Variants in MEDAG observed in about 807,000 individuals in gnomAD.
MEDAG encodes mesenteric estrogen dependent adipogenesis.
In MEDAG, 25 loss-of-function variants were observed where a neutral mutation model predicts 29.9. That is an observed-to-expected ratio of 0.84 (90% CI 0.61 to 1.17). MEDAG has a LOEUF of 1.17. MEDAG is among the 50% of genes most tolerant of loss of function. The probability of loss-of-function intolerance (pLI) is 0.00; values close to 1 mark genes in which losing one functional copy is unlikely to be tolerated. For synonymous variants in MEDAG, 158 were observed against 148.2 expected, an observed-to-expected ratio of 1.07 and a Z score of -0.48; for missense variants, 398 against 372.9, an observed-to-expected ratio of 1.07 and a Z score of -0.56.
At chr13:30,917,340 A>G (rs534569632) in intron 1 of MEDAG, 63 bp from the exon 2 acceptor site, 1 of 984,486 alleles carries the variant, frequency 1.0e-6, no homozygotes, top group African/African-American at 1.6e-5. Context: ...TGTCCAGTAC[A>G]TCCCCTTCCT....
At position 30,906,403 on chromosome 13, in the gene MEDAG, G is replaced by T; in HGVS notation, c.-113G>T. On this transcript the variant is annotated 5_prime_UTR_variant, in exon 1 of 5. Coordinates refer to ENST00000380482, the MANE Select transcript of MEDAG (RefSeq NM_032849.4). The stretch of plus-strand genomic sequence containing the variant: ...GGCAGACCGACCCCCTCCTCACCTC[G>T]CGCGCGGCTGACGCAGGCAGGGCGC... The T allele has an allele frequency of 8.4e-7, 1 of 1,187,328 alleles. No individual in the cohort carries two copies. Among genetic ancestry groups the T allele is most frequent in the African/African-American group, 1.6e-5 (1 of 62,764 alleles). 73.5% of individuals were successfully genotyped at this position (1,187,328 alleles called of 1,614,324 possible).
intron 2 of MEDAG, among the ~76,000 whole-genome samples, chr13:30,919,086 A>G (rs1010655182): frequency 2.0e-5 from 3 of 152,238 alleles, no homozygotes; most frequent in African/African-American, 7.2e-5. Context: ...GAAGTTGTCG[A>G]ACAACTATCA....
intron 1 of MEDAG, chr13:30,915,941 G>T (rs901402280): frequency 1.3e-5 from 2 of 152,192 alleles, no homozygotes; most frequent in African/African-American, 4.8e-5. Flanking sequence ...GCAGCCCCAT[G>T]TTCCCCTCCC....
chr13:30,918,691 G>A (rs906124770), intron 2 of MEDAG, among the ~76,000 whole-genome samples: 7 of 152,190 alleles, frequency 4.6e-5, no homozygotes, highest in African/African-American at 1.2e-4. Flanking sequence ...CTTAAAATGA[G>A]TCCAAGGAAA....
intron 4 of MEDAG, chr13:30,922,097 ATAT>A (rs1182700458): frequency 6.5e-6 from 2 of 308,224 alleles, no homozygotes; most frequent in East Asian, 1.2e-4. Context: ...ATAACTTTAA[ATAT>A]TATTATTAAT....
chr13:30,907,313 G>A (rs1952840330), intron 1 of MEDAG, among the ~76,000 whole-genome samples: 1 of 152,210 alleles, frequency 6.6e-6, no homozygotes, highest in South Asian at 2.1e-4. Context: ...CCCATCTCTG[G>A]CCTCACTTCG....
In MEDAG at chr13:30,906,507, G is replaced by T. The variant is rs1231682569; in HGVS notation, c.-9G>T. The T allele has an allele frequency of 1.5e-5, 23 of 1,506,936 alleles. 1 individual carries two copies. The highest frequency in any genetic ancestry group is 2.4e-4 in the Middle Eastern group (1 of 4,216). The allele number at this position is 1,506,936 out of a possible 1,614,324, so 93.3% of individuals were successfully genotyped here. A position where few individuals can be genotyped will look rare whatever the true frequency, so the allele number is the denominator to read the frequency against. Reference sequence around the variant, plus strand: ...GGAAGCAGGCGGTGTGAGGACCGACGACGCGGGCATGGCGGGGGCGGCCTG... The same window carrying T: ...GGAAGCAGGCGGTGTGAGGACCGACTACGCGGGCATGGCGGGGGCGGCCTG... On this transcript the variant is annotated 5_prime_UTR_variant, in exon 1 of 5. Transcript: ENST00000380482.
At position 30,921,605 on chromosome 13, in the gene MEDAG, T is replaced by TGAA. The variant is rs771305307; in HGVS notation, c.548_550dup (p.Glu183dup). 3.7e-6 allele frequency: 6 copies of TGAA among 1,609,122 alleles called. No homozygotes were observed. In the South Asian group the frequency reaches 4.5e-5, roughly 12 times the overall value. On this transcript the variant is annotated inframe_insertion, in exon 4 of 5. Transcript: ENST00000380482. Reference sequence around the variant, plus strand: ...TGAAGAATTTCTTCCCCCCAGGAAATGAAGTGGTTAATGGAGAAAATTTAA... The same window carrying TGAA: ...TGAAGAATTTCTTCCCCCCAGGAAATGAAGAAGTGGTTAATGGAGAAAATTTAA...
chr13:30,909,835 G>T (rs1029509025), intron 1 of MEDAG, among the ~76,000 whole-genome samples: 5 of 152,038 alleles, frequency 3.3e-5, no homozygotes, highest in African/African-American at 9.7e-5. Context: ...TTATTCACTC[G>T]CTAAGAGAGC....
Position 30,924,430 on chromosome 13 carries a change from A to G in MEDAG, c.907A>G (p.Ile303Val). The change falls in exon 5 of 5, where the codon ATC becomes GTC. Residue 303 changes from isoleucine (I) to valine (V), a missense_variant. Transcript: ENST00000380482. ...ATCTGAAGAGACACCCAACCAATTT[A>G]TCTGATTGAACTGAACATTGTAGCA... ...LESEETPNQF[I>V] 1 of 1,613,960 alleles carries G rather than the reference A, an allele frequency of 6.2e-7. No homozygotes were observed. The highest frequency in any genetic ancestry group is 8.5e-7 in the Non-Finnish European group (1 of 1,179,982).
At chr13:30,917,611 C>A in intron 2 of MEDAG, 99 bp downstream of exon 2, 1 of 663,292 alleles carries the variant, frequency 1.5e-6, no homozygotes, top group Non-Finnish European at 2.6e-6. Context: ...CACGGTTCTG[C>A]AGGCTATACA....
chr13:30,907,710 G>C (rs1952843398), intron 1 of MEDAG, among the ~76,000 whole-genome samples: 1 of 152,250 alleles, frequency 6.6e-6, no homozygotes. Context: ...ATGGTCTAGA[G>C]TTTGACTCAG....
At position 30,919,012 on chromosome 13, in the gene MEDAG, A is replaced by G. The variant is rs1014924745; in HGVS notation, c.388+1500A>G. ...AAGAGTAAGAGCCCTCTTCATTTTA[A>G]CATTTAAATGAAAGTATAGGTAGTG... On this transcript the variant is annotated intron_variant, in intron 2 of 4. Transcript: ENST00000380482. Among the ~76,000 whole-genome samples, 4 of 152,344 alleles carry G rather than the reference A, an allele frequency of 2.6e-5. No homozygotes were observed. The East Asian group carries it at 5.8e-4, about 22-fold the overall frequency.
At chr13:30,913,330 C>G (rs913199632) in intron 1 of MEDAG, among the ~76,000 whole-genome samples, 9 of 152,172 alleles carry the variant, frequency 5.9e-5, no homozygotes, top group Non-Finnish European at 1.5e-5. Context: ...ATCCTCCCAC[C>G]TCAGCCTCCT....
In MEDAG at chr13:30,906,328, C is replaced by T. The variant is rs1952827900; in HGVS notation, c.-188C>T. The T allele has an allele frequency of 4.1e-6, 2 of 483,366 alleles. No homozygotes were observed. The highest frequency in any genetic ancestry group is 6.7e-6 in the Non-Finnish European group (2 of 300,578). The allele number at this position is 483,366 out of a possible 1,614,324, so 29.9% of individuals were successfully genotyped here. A position where few individuals can be genotyped will look rare whatever the true frequency, so the allele number is the denominator to read the frequency against. On this transcript the variant is annotated 5_prime_UTR_variant, in exon 1 of 5. Transcript: ENST00000380482. Reference sequence around the variant, plus strand: ...GCGAGTGGCAGCTTGGGAGGGGCCGCCCGGGCGGTCAGACTGGCACCTGAG... The same window carrying T: ...GCGAGTGGCAGCTTGGGAGGGGCCGTCCGGGCGGTCAGACTGGCACCTGAG...
At chr13:30,910,264 C>T (rs567341138) in intron 1 of MEDAG, among the ~76,000 whole-genome samples, 8 of 151,754 alleles carry the variant, frequency 5.3e-5, no homozygotes, top group African/African-American at 1.2e-4. Context: ...TAATGGCAAA[C>T]GTTTGGCAAA....
Position 30,921,853 on chromosome 13 carries a change from T to C in MEDAG, c.787+7T>C. 1 of 1,585,160 alleles carries C rather than the reference T, an allele frequency of 6.3e-7. No individual in the cohort carries two copies. The highest frequency in any genetic ancestry group is 8.5e-7 in the Non-Finnish European group (1 of 1,169,694). On this transcript the variant is annotated splice_region_variant and intron_variant, in intron 4 of 4. Coordinates refer to ENST00000380482, the MANE Select transcript of MEDAG (RefSeq NM_032849.4). ...TTCAGTGTAACTTCCAGAGGTATGT[T>C]AAAAATTCCGAAGGATATGTGGAAG...
rs1006607551 is a variant in MEDAG at position 30,906,695 on chromosome 13, C to A, written c.180C>A (p.Pro60=). The A allele has an allele frequency of 5.2e-6, 8 of 1,526,808 alleles. No homozygotes were observed. In the African/African-American group the frequency reaches 7.0e-5, roughly 13 times the overall value. The allele number at this position is 1,526,808 out of a possible 1,614,324, so 94.6% of individuals were successfully genotyped here. A position where few individuals can be genotyped will look rare whatever the true frequency, so the allele number is the denominator to read the frequency against. The change falls in exon 1 of 5, where the codon CCC becomes CCA. Residue 60 remains proline, a synonymous_variant. Coordinates refer to ENST00000380482, the MANE Select transcript of MEDAG (RefSeq NM_032849.4). ...GCGACCAGCTCGTGGTGGCCAGGCC[C>A]GGGGAGCCGGCGGCGGCGCGGGGGG... ...LSGDQLVVAR[P]GEPAAARGGF... is the part of the protein sequence containing the mutation.
At chr13:30,912,149 C>A (rs1272121394) in intron 1 of MEDAG, among the ~76,000 whole-genome samples, 1 of 152,102 alleles carries the variant, frequency 6.6e-6, no homozygotes, top group Non-Finnish European at 1.5e-5. Context: ...GTCAATAATT[C>A]CTTAAGGAAT....
Sources: allele counts gnomAD v4.1 joint callset (sites outside exome capture counted in the v4.1 genomes callset), GRCh38; gene constraint gnomAD v4.1.1; transcripts MANE v1.5; gene names NCBI Gene and HGNC (gene_info 2026-07-23, HGNC 2026-07-21).